The following ZNF407 variants were observed in gnomAD, a reference collection of about 807,000 sequenced individuals.
ZNF407 encodes zinc finger protein 407.
In ZNF407, 17 loss-of-function variants were observed where a neutral mutation model predicts 131.2. That is an observed-to-expected ratio of 0.13 (90% CI 0.09 to 0.19). The LOEUF (loss-of-function observed/expected upper bound fraction) is 0.19, where lower values mean the gene tolerates loss of function less well. Among genes scored for constraint, ZNF407 ranks in the 10% least tolerant of loss-of-function variants. The probability of loss-of-function intolerance (pLI) is 1.00; values close to 1 mark genes in which losing one functional copy is unlikely to be tolerated. For synonymous variants in ZNF407, 1,156 were observed against 1,062.0 expected (o/e 1.09, Z -1.72); for missense variants, 2,681 against 2,830.6 (o/e 0.95, Z 1.20).
At position 74,743,928 on chromosome 18, in the gene ZNF407, A is replaced by G. The variant is rs74717169; in HGVS notation, c.4803-37500A>G. ...AGAAAAGCTTTTATTAAATCAATTA[A>G]CTGCCTCAAAATGGATGGTCTCTTA... On this transcript the variant is annotated intron_variant, in intron 3 of 8. Coordinates refer to ENST00000299687, the MANE Select transcript of ZNF407 (RefSeq NM_017757.3). Among the ~76,000 whole-genome samples the G allele has an allele frequency of 3.3e-3, 497 of 152,240 alleles. 3 individuals carry two copies. The highest frequency in any genetic ancestry group is 0.011 in the African/African-American group (468 of 41,564).
intron 8 of ZNF407, among the ~76,000 whole-genome samples, chr18:75,033,696 T>C (rs1265673979): frequency 6.6e-6 from 1 of 152,230 alleles, no homozygotes; most frequent in African/African-American, 2.4e-5. Flanking sequence ...TTAATCATCA[T>C]AGCTGGCCCT....
chr18:74,775,775 T>C (rs2145011834), intron 3 of ZNF407, among the ~76,000 whole-genome samples: 1 of 152,322 alleles, frequency 6.6e-6, no homozygotes, highest in Middle Eastern at 3.4e-3. Flanking sequence ...TCCTGGCAGC[T>C]GCTTGGCTTC....
At chr18:75,049,623 T>G (rs1200156310) in intron 8 of ZNF407, among the ~76,000 whole-genome samples, 1 of 152,176 alleles carries the variant, frequency 6.6e-6, no homozygotes, top group Non-Finnish European at 1.5e-5. Context: ...TCAGTGTGAT[T>G]AAGGCAAAGT....
At chr18:74,652,589 T>G (rs1257115226) in intron 3 of ZNF407, among the ~76,000 whole-genome samples, 1 of 152,032 alleles carries the variant, frequency 6.6e-6, no homozygotes, top group African/African-American at 2.4e-5. Context: ...CAATATTATG[T>G]TACTCTAACA....
intron 3 of ZNF407, among the ~76,000 whole-genome samples, chr18:74,743,201 A>T (rs761947238): frequency 1.3e-5 from 2 of 152,166 alleles, no homozygotes; most frequent in Non-Finnish European, 2.9e-5. Context: ...TGTGGGAGGG[A>T]AGGTGACACA....
At position 74,631,604 on chromosome 18, in the gene ZNF407, T is replaced by G. The variant is rs368470073; in HGVS notation, c.585T>G (p.Phe195Leu). The change falls in exon 2 of 9, where the codon TTT becomes TTG. Residue 195 changes from phenylalanine to leucine, a missense_variant. Phe to Leu is a conservative substitution (Grantham distance 22). Transcript: ENST00000299687. ...AATGCAGCATCTGTGGGCATTTGTT[T>G]TCTTCTTGCTCTGACTTGGAAAAAC... ...VLKCSICGHL[F>L]SSCSDLEKHA... The G allele has an allele frequency of 1.9e-6, 3 of 1,613,876 alleles. No homozygotes were observed. Among genetic ancestry groups the G allele is most frequent in the African/African-American group, 2.7e-5 (2 of 75,062 alleles).
At chr18:74,761,288 G>T (rs1417011175) in intron 3 of ZNF407, among the ~76,000 whole-genome samples, 3 of 152,134 alleles carry the variant, frequency 2.0e-5, no homozygotes, top group African/African-American at 7.2e-5. Flanking sequence ...TTGATAGGGT[G>T]AGAGACATTT....
chr18:74,828,510 T>A (rs1970439462), intron 4 of ZNF407, among the ~76,000 whole-genome samples: 1 of 152,152 alleles, frequency 6.6e-6, no homozygotes, highest in Non-Finnish European at 1.5e-5. Flanking sequence ...ACTCCCAAGT[T>A]ACTGAATGAA....
rs116076209 is a variant in ZNF407, at chr18:74,821,070, C to T, written c.4877+39568C>T. On this transcript the variant is annotated intron_variant, in intron 4 of 8. Transcript: ENST00000299687. Reference sequence around the variant, plus strand: ...CATCATCAGTCTTCAGTTCTGTGATCGATGCCTTGTCTACAGAGGAGCTGC... The same window carrying T: ...CATCATCAGTCTTCAGTTCTGTGATTGATGCCTTGTCTACAGAGGAGCTGC... Among the ~76,000 whole-genome samples the T allele has an allele frequency of 1.0e-2, 1,515 of 152,030 alleles. 29 individuals are homozygous for T. The highest frequency in any genetic ancestry group is 0.034 in the African/African-American group (1,400 of 41,478).
At chr18:75,052,360 G>A (rs757016988) in intron 8 of ZNF407, among the ~76,000 whole-genome samples, 53 of 152,060 alleles carry the variant, frequency 3.5e-4, no homozygotes, top group Non-Finnish European at 6.0e-4. Flanking sequence ...AGAATATTAC[G>A]ATGAGCCATT....
At chr18:74,978,781 A>G (rs1225750940) in intron 8 of ZNF407, among the ~76,000 whole-genome samples, 1 of 152,136 alleles carries the variant, frequency 6.6e-6, no homozygotes, top group African/African-American at 2.4e-5. Context: ...TGGAGACACA[A>G]ATTTAAGAGC....
At chr18:74,915,336 G>C in intron 7 of ZNF407, among the ~76,000 whole-genome samples, 1 of 150,706 alleles carries the variant, frequency 6.6e-6, no homozygotes, top group Non-Finnish European at 1.5e-5. Context: ...GTGTGTGTGT[G>C]TGTGTGTGTG....
chr18:74,763,412 G>C (rs1214864632), intron 3 of ZNF407, among the ~76,000 whole-genome samples: 1 of 150,780 alleles, frequency 6.6e-6, no homozygotes, highest in East Asian at 1.9e-4. Flanking sequence ...CTTTAGAAGG[G>C]GAGAATTAAA....
At chr18:74,910,132 A>G (rs1211096124) in intron 7 of ZNF407, among the ~76,000 whole-genome samples, 2 of 152,178 alleles carry the variant, frequency 1.3e-5, no homozygotes, top group East Asian at 1.9e-4. Context: ...AATATGCTGT[A>G]TCTCAAACTG....
intron 8 of ZNF407, among the ~76,000 whole-genome samples, chr18:75,028,540 T>C (rs1398472914): frequency 6.6e-6 from 1 of 152,206 alleles, no homozygotes; most frequent in Non-Finnish European, 1.5e-5. Context: ...AGGGGACACA[T>C]TTCAGCTCCT....
chr18:74,604,882 C>T (rs1259516688), intron 1 of ZNF407, among the ~76,000 whole-genome samples: 6 of 152,100 alleles, frequency 3.9e-5, no homozygotes, highest in Non-Finnish European at 4.4e-5. Flanking sequence ...AGCATGGTGT[C>T]CCCATCAGAT....
intron 4 of ZNF407, among the ~76,000 whole-genome samples, chr18:74,852,895 TA>T (rs1970809171): frequency 6.6e-6 from 1 of 152,266 alleles, no homozygotes; most frequent in Non-Finnish European, 1.5e-5. Context: ...TACAATTTTC[TA>T]AATCTTGTAT....
chr18:74,763,325 T>A (rs1969144405), intron 3 of ZNF407, among the ~76,000 whole-genome samples: 1 of 151,584 alleles, frequency 6.6e-6, no homozygotes, highest in South Asian at 2.1e-4. Context: ...ATGGGATTTC[T>A]TTTTGTATGC....
At position 74,779,434 on chromosome 18, in the gene ZNF407, C is replaced by T. The variant is rs994245170; in HGVS notation, c.4803-1994C>T. On this transcript the variant is annotated intron_variant, in intron 3 of 8. Transcript: ENST00000299687. Reference sequence around the variant, plus strand: ...CGGTCAGCTTATATATTTTTTTAACCGAGGATGATTTTGAGGCTTTTACCT... The same window carrying T: ...CGGTCAGCTTATATATTTTTTTAACTGAGGATGATTTTGAGGCTTTTACCT... Among the ~76,000 whole-genome samples the T allele has an allele frequency of 3.3e-5, 5 of 151,792 alleles. No homozygotes were observed. The East Asian group carries it at 7.8e-4, about 24-fold the overall frequency.
Sources: allele counts gnomAD v4.1 joint callset (sites outside exome capture counted in the v4.1 genomes callset), GRCh38; gene constraint gnomAD v4.1.1; transcripts MANE v1.5; gene names NCBI Gene and HGNC (gene_info 2026-07-23, HGNC 2026-07-21).